CDK13: variants seen among roughly 807,000 people sequenced by gnomAD.
CDK13 encodes the protein cyclin dependent kinase 13.
Under a neutral mutation model 137.6 loss-of-function variants are expected in CDK13, and 40 were observed. The ratio of observed to expected loss-of-function variants is 0.29; its 90% confidence interval spans 0.23 to 0.38. The LOEUF (loss-of-function observed/expected upper bound fraction) is 0.38, where lower values mean the gene tolerates loss of function less well. Among genes scored for constraint, CDK13 ranks in the 10% least tolerant of loss-of-function variants. CDK13 has a pLI of 1.00. For missense variants in CDK13, 1,704 were observed against 1,951.8 expected (o/e 0.87, Z 2.39); for synonymous variants, 869 against 760.1 (o/e 1.14, Z -2.36).
chr7:40,096,488 G>C lies in CDK13; in HGVS notation c.*1508G>C, dbSNP rs923830101. 6.6e-6 allele frequency: 1 copy of C among 152,082 alleles called. No homozygotes were observed. Among genetic ancestry groups the C allele is most frequent in the Non-Finnish European group, 1.5e-5 (1 of 68,004 alleles). 9.4% of individuals were successfully genotyped at this position (152,082 alleles called of 1,614,324 possible). On this transcript the variant is annotated 3_prime_UTR_variant, in exon 14 of 14. Transcript: ENST00000181839. The stretch of plus-strand genomic sequence containing the variant: ...GAAAGGAACCAAAGGTAAATAACCA[G>C]TGTTTCCATTATCACTAAATGGAAA...
chr7:40,011,864 G>A (rs190397547), intron 5 of CDK13, among the ~76,000 whole-genome samples: 1 of 152,132 alleles, frequency 6.6e-6, no homozygotes, highest in Admixed American at 6.5e-5. Context: ...GAACGGGGAA[G>A]ATATTTGTAT....
At chr7:39,985,893 A>G (rs1447916408) in intron 1 of CDK13, 1 of 152,192 alleles carries the variant, frequency 6.6e-6, no homozygotes, top group Non-Finnish European at 1.5e-5. Flanking sequence ...GCCTCACAGC[A>G]ACCATGGCGG....
chr7:40,091,539 G>C (rs1786924251), intron 12 of CDK13, among the ~76,000 whole-genome samples: 1 of 151,860 alleles, frequency 6.6e-6, no homozygotes, highest in African/African-American at 2.4e-5. Flanking sequence ...GAGAATTCTG[G>C]TTTTTTGAAA....
chr7:40,016,334 C>T (rs549818011), intron 5 of CDK13, among the ~76,000 whole-genome samples: 19 of 152,130 alleles, frequency 1.2e-4, no homozygotes, highest in Non-Finnish European at 2.5e-4. Context: ...GATCATTATA[C>T]TTTTTGGGTT....
intron 5 of CDK13, among the ~76,000 whole-genome samples, chr7:40,029,884 C>T (rs1369986981): frequency 1.3e-5 from 2 of 152,108 alleles, no homozygotes; most frequent in South Asian, 2.1e-4. Context: ...GAACTCCTGA[C>T]GTTGTGATAC....
At chr7:40,049,437 T>G (rs1425275323) in intron 7 of CDK13, among the ~76,000 whole-genome samples, 1 of 151,796 alleles carries the variant, frequency 6.6e-6, no homozygotes, top group Non-Finnish European at 1.5e-5. Context: ...TAAAACTGTT[T>G]TAAAGCTCAA....
chr7:40,057,849 T>C lies in CDK13; in HGVS notation c.2601-4977T>C, dbSNP rs547305328. On this transcript the variant is annotated intron_variant, in intron 7 of 13. Coordinates refer to ENST00000181839, the MANE Select transcript of CDK13 (RefSeq NM_003718.5). ...TAAAAGTTATTTTTCTTGGAAGATATCAAAAGGAGAAAAACAGGAGTTCAA... is the reference window on the plus strand; with the variant it reads ...TAAAAGTTATTTTTCTTGGAAGATACCAAAAGGAGAAAAACAGGAGTTCAA... 3.9e-5 allele frequency among the ~76,000 whole-genome samples: 6 copies of C among 152,166 alleles called. No individual in the cohort carries two copies. The East Asian group carries it at 9.7e-4, about 25-fold the overall frequency.
chr7:40,093,178 C>T lies in CDK13; in HGVS notation c.3629C>T (p.Ser1210Leu), dbSNP rs781777435. ...CTACTAGAAGAGAGGGAAAATGGAT[C>T]GGGACATGAAGCGTCATTACAACTC... is the stretch of plus-strand genomic sequence containing the variant. The part of the protein sequence containing the change: ...DVLLEERENG[S>L]GHEASLQLRP... Residue 1210 changes from serine to leucine, a missense_variant, in exon 13 of 14, where the codon TCG becomes TTG. Physicochemically the swap from Ser to Leu is moderately radical, Grantham distance 145. Coordinates refer to ENST00000181839, the MANE Select transcript of CDK13 (RefSeq NM_003718.5). 14 of 1,613,936 alleles carry T rather than the reference C, an allele frequency of 8.7e-6. No individual in the cohort carries two copies. The highest frequency in any genetic ancestry group is 3.3e-5 in the South Asian group (3 of 91,072).
At chr7:40,062,713 A>G in intron 7 of CDK13, 113 bp from the exon 8 acceptor site, 1 of 754,142 alleles carries the variant, frequency 1.3e-6, no homozygotes, top group East Asian at 2.5e-5. Flanking sequence ...AGGCAGATGA[A>G]AGTGTTTTTA....
At chr7:40,013,147 A>G (rs1784932189) in intron 5 of CDK13, among the ~76,000 whole-genome samples, 1 of 152,178 alleles carries the variant, frequency 6.6e-6, no homozygotes, top group Non-Finnish European at 1.5e-5. Flanking sequence ...GCCAAGTGAA[A>G]TAAGCCAGTC....
At chr7:40,079,343 C>T (rs1461981502) in intron 11 of CDK13, among the ~76,000 whole-genome samples, 3 of 152,116 alleles carry the variant, frequency 2.0e-5, no homozygotes, top group South Asian at 4.1e-4. Flanking sequence ...CGCTTGAACC[C>T]GCGAGGCGGA....
At chr7:39,988,951 G>T (rs919028526) in intron 2 of CDK13, among the ~76,000 whole-genome samples, 1 of 151,748 alleles carries the variant, frequency 6.6e-6, no homozygotes, top group Non-Finnish European at 1.5e-5. Context: ...GGGCGCAGTG[G>T]CAGGTGCCTG....
chr7:39,964,305 T>C (rs1435532913), intron 1 of CDK13, among the ~76,000 whole-genome samples: 3 of 152,202 alleles, frequency 2.0e-5, no homozygotes, highest in Admixed American at 6.5e-5. Flanking sequence ...GAGCCTGTTA[T>C]TGGTCTATTC....
chr7:40,021,153 A>ACAC (rs781461656), intron 5 of CDK13, among the ~76,000 whole-genome samples: 20 of 151,134 alleles, frequency 1.3e-4, no homozygotes, highest in Non-Finnish European at 2.2e-4. Context: ...ACACACACAT[A>ACAC]AAGTTTTAAG....
At chr7:40,058,076 AGATAG>A (rs67421707) in intron 7 of CDK13, among the ~76,000 whole-genome samples, 40,276 of 151,810 alleles carry the variant, frequency 0.27, 6,414 homozygotes, top group Middle Eastern at 0.44. Flanking sequence ...AGGGGAGTTA[AGATAG>A]GCCTCTTTTA....
intron 5 of CDK13, among the ~76,000 whole-genome samples, chr7:40,034,928 AT>A (rs1203997172): frequency 1.3e-5 from 2 of 152,128 alleles, no homozygotes. Context: ...GGACATTGAC[AT>A]TTACTTTCAG....
At chr7:39,962,766 T>G (rs1331210190) in intron 1 of CDK13, among the ~76,000 whole-genome samples, 1 of 152,192 alleles carries the variant, frequency 6.6e-6, no homozygotes, top group Admixed American at 6.5e-5. Flanking sequence ...GGTCTAACAT[T>G]TAAGTCTGTA....
At chr7:40,063,935 C>T (rs1295999650) in intron 9 of CDK13, among the ~76,000 whole-genome samples, 2 of 151,936 alleles carry the variant, frequency 1.3e-5, no homozygotes, top group Non-Finnish European at 2.9e-5. Context: ...GCTGTGATTA[C>T]AGGCATGAGC....
In CDK13 at chr7:39,951,103, G is replaced by C. The variant is rs1583892063; in HGVS notation, c.462G>C (p.Glu154Asp). The change falls in exon 1 of 14, where the codon GAG (glutamate) becomes GAC (aspartate). Residue 154 changes from glutamate to aspartate, a missense_variant. Physicochemically the swap from Glu to Asp is conservative, Grantham distance 45 (BLOSUM62 2). Coordinates refer to ENST00000181839, the MANE Select transcript of CDK13 (RefSeq NM_003718.5). ...VEYEDVSSQS[E>D]QGLLLGGASA... ...ACGAGGATGTGAGCTCCCAGTCCGA[G>C]CAGGGGCTGCTGCTGGGGGGGGCCA... 1.6e-6 allele frequency: 2 copies of C among 1,250,490 alleles called. No individual in the cohort carries two copies. Among genetic ancestry groups the C allele is most frequent in the Non-Finnish European group, 2.0e-6 (2 of 998,712 alleles). The allele number at this position is 1,250,490 out of a possible 1,614,324, so 77.5% of individuals were successfully genotyped here.
Sources: allele counts gnomAD v4.1 joint callset (sites outside exome capture counted in the v4.1 genomes callset), GRCh38; gene constraint gnomAD v4.1.1; transcripts MANE v1.5; gene names NCBI Gene and HGNC (gene_info 2026-07-23, HGNC 2026-07-21).